The following MET variants were observed in gnomAD, a reference collection of about 807,000 sequenced individuals.
MET encodes the protein hepatocyte growth factor receptor.
Under a neutral mutation model 133.1 loss-of-function variants are expected in MET, and 48 were observed. The ratio of observed to expected loss-of-function variants is 0.36; its 90% confidence interval spans 0.29 to 0.46. The LOEUF (loss-of-function observed/expected upper bound fraction) is 0.46. MET is among the 20% of genes least tolerant of loss of function. MET has a pLI of 1.00. For missense variants in MET, 1,442 were observed against 1,695.9 expected, an observed-to-expected ratio of 0.85 and a Z score of 2.63; for synonymous variants, 628 against 616.5, an observed-to-expected ratio of 1.02 and a Z score of -0.28.
chr7:116,754,674 A>C (rs1289453370), intron 5 of MET, among the ~76,000 whole-genome samples: 1 of 151,170 alleles, frequency 6.6e-6, no homozygotes, highest in Admixed American at 6.6e-5. Flanking sequence ...AAAAATAGCC[A>C]AGCATGGTGG....
At chr7:116,674,096 T>G (rs2116427292) in intron 1 of MET, among the ~76,000 whole-genome samples, 1 of 152,354 alleles carries the variant, frequency 6.6e-6, no homozygotes, top group African/African-American at 2.4e-5. Flanking sequence ...ATTTTGCTTT[T>G]AACATGATGG....
chr7:116,796,201 G>A lies in MET; in HGVS notation c.*77G>A, dbSNP rs1795671916. The A allele has an allele frequency of 3.7e-6, 5 of 1,358,882 alleles. No individual in the cohort carries two copies. Among genetic ancestry groups the A allele is most frequent in the African/African-American group, 1.4e-5 (1 of 70,438 alleles). The allele number at this position is 1,358,882 out of a possible 1,614,324, so 84.2% of individuals were successfully genotyped here. ...ACTGCCTGACCTTTAAAAGGCCATC[G>A]ATATTCTTTGCTCTTGCCAAAATTG... is the stretch of plus-strand genomic sequence containing the variant. On this transcript the variant is annotated 3_prime_UTR_variant, in exon 21 of 21. Coordinates refer to ENST00000397752, the MANE Select transcript of MET (RefSeq NM_000245.4).
chr7:116,757,647 A>G lies in MET; in HGVS notation c.1975A>G (p.Ile659Val). ...YSTFSYVDPV[I>V]TSISPKYGPM... ...TTTATCTCCCCTCCAGGATCCTGTA[A>G]TAACAAGTATTTCGCCGAAATACGG... Residue 659 changes from isoleucine (I) to valine (V), a missense_variant, in exon 8 of 21, where the codon ATA (isoleucine) becomes GTA (valine). By Grantham distance (29) the Ile-to-Val change is conservative. Transcript: ENST00000397752. 1 of 1,614,016 alleles carries G rather than the reference A, an allele frequency of 6.2e-7. No individual in the cohort carries two copies. The highest frequency in any genetic ancestry group is 8.5e-7 in the Non-Finnish European group (1 of 1,179,972).
At chr7:116,769,137 A>T (rs574181371) in intron 11 of MET, among the ~76,000 whole-genome samples, 1 of 152,372 alleles carries the variant, frequency 6.6e-6, no homozygotes, top group East Asian at 1.9e-4. Context: ...AACATAATAC[A>T]GTGTTAATAC....
At position 116,775,004 on chromosome 7, in the gene MET, T is replaced by C. The variant is rs1319458719; in HGVS notation, c.3152T>C (p.Val1051Ala). 6.2e-7 allele frequency: 1 copy of C among 1,614,092 alleles called. No homozygotes were observed. Among genetic ancestry groups the C allele is most frequent in the East Asian group, 2.2e-5 (1 of 44,894 alleles). ...DISSPLLQNTVHIDLSALNPE... is the reference protein window; with the variant it reads ...DISSPLLQNTAHIDLSALNPE... ...TCCAGTCCATTACTGCAAAATACTGTCCACATTGACCTCAGTGCTCTAAAT... is the reference window on the plus strand; with the variant it reads ...TCCAGTCCATTACTGCAAAATACTGCCCACATTGACCTCAGTGCTCTAAAT... The change falls in exon 15 of 21, where the codon GTC (valine) becomes GCC (alanine). Residue 1051 changes from valine (V) to alanine (A), a missense_variant. Transcript: ENST00000397752.
At chr7:116,753,108 C>G (rs1435107106) in intron 5 of MET, among the ~76,000 whole-genome samples, 1 of 152,162 alleles carries the variant, frequency 6.6e-6, no homozygotes, top group Non-Finnish European at 1.5e-5. Context: ...AAGCTTTAAG[C>G]TAAAACTTTA....
chr7:116,785,834 A>T (rs955540411), intron 19 of MET, among the ~76,000 whole-genome samples: 3 of 152,268 alleles, frequency 2.0e-5, no homozygotes, highest in Non-Finnish European at 4.4e-5. Flanking sequence ...ATATATGCTC[A>T]TGCAATAACA....
intron 2 of MET, among the ~76,000 whole-genome samples, chr7:116,725,796 ATATT>A (rs1562899728): frequency 6.6e-6 from 1 of 150,656 alleles, no homozygotes; most frequent in African/African-American, 2.4e-5. Context: ...ATACTAGTAT[ATATT>A]TATAGATACA....
chr7:116,778,626 T>C, intron 16 of MET, 150 bp from the exon 17 acceptor site: 1 of 842,182 alleles, frequency 1.2e-6, no homozygotes, highest in South Asian at 1.5e-5. Context: ...TTCACTCAGA[T>C]GTGATGTAAA....
Position 116,758,229 on chromosome 7 carries a change from A to G in MET, c.2103-230A>G, listed in dbSNP as rs142414409. ...TTTAATCAAGTACCAAAAGTACTTT[A>G]AAGGTTTTTTTTTCAAATCTCAAAT... is the stretch of plus-strand genomic sequence containing the variant. On this transcript the variant is annotated intron_variant, in intron 8 of 20. Coordinates refer to ENST00000397752, the MANE Select transcript of MET (RefSeq NM_000245.4). 1.1e-4 allele frequency among the ~76,000 whole-genome samples: 16 copies of G among 152,292 alleles called. No homozygotes were observed. In the East Asian group the frequency reaches 3.1e-3, roughly 29 times the overall value.
At chr7:116,736,256 T>C (rs1261258771) in intron 3 of MET, among the ~76,000 whole-genome samples, 1 of 151,936 alleles carries the variant, frequency 6.6e-6, no homozygotes, top group African/African-American at 2.4e-5. Flanking sequence ...AGATTAGTGG[T>C]AGTCAAGGGC....
At chr7:116,697,080 C>T (rs1330198104) in intron 1 of MET, among the ~76,000 whole-genome samples, 1 of 152,148 alleles carries the variant, frequency 6.6e-6, no homozygotes, top group Non-Finnish European at 1.5e-5. Context: ...AGCAGCACAC[C>T]CGACTCAACG....
intron 5 of MET, among the ~76,000 whole-genome samples, chr7:116,741,811 C>G (rs998440362): frequency 1.3e-5 from 2 of 152,188 alleles, no homozygotes; most frequent in African/African-American, 2.4e-5. Flanking sequence ...GCAGGCTGCC[C>G]TCTAGTCCCT....
chr7:116,681,980 T>G (rs1796377488), intron 1 of MET, among the ~76,000 whole-genome samples: 1 of 152,230 alleles, frequency 6.6e-6, no homozygotes, highest in African/African-American at 2.4e-5. Context: ...ATATGCATTT[T>G]GGACTTTTCA....
intron 5 of MET, among the ~76,000 whole-genome samples, chr7:116,745,218 AC>A (rs1343092185): frequency 6.6e-6 from 1 of 152,220 alleles, no homozygotes; most frequent in African/African-American, 2.4e-5. Context: ...AATCCAACTT[AC>A]AAGGGATGTG....
rs2117111344 is a variant in MET at position 116,795,950 on chromosome 7, G to C, written c.3999G>C (p.Leu1333=). The change falls in exon 21 of 21, where the codon CTG becomes CTC. Residue 1333 remains leucine (L), a synonymous_variant. Coordinates refer to ENST00000397752, the MANE Select transcript of MET (RefSeq NM_000245.4). ...AAATGCGCCCATCCTTTTCTGAACTGGTGTCCCGGATATCAGCGATCTTCT... is the reference window on the plus strand; with the variant it reads ...AAATGCGCCCATCCTTTTCTGAACTCGTGTCCCGGATATCAGCGATCTTCT... ...KAEMRPSFSE[L]VSRISAIFST... is the part of the protein sequence containing the mutation. 6.2e-7 allele frequency: 1 copy of C among 1,614,088 alleles called. No individual in the cohort carries two copies. The highest frequency in any genetic ancestry group is 8.5e-7 in the Non-Finnish European group (1 of 1,180,004).
In MET at chr7:116,796,658, C is replaced by T. The variant is rs574748666; in HGVS notation, c.*534C>T. The T allele has an allele frequency of 1.0e-4, 26 of 260,276 alleles. No individual in the cohort carries two copies. Among genetic ancestry groups the T allele is most frequent in the Non-Finnish European group, 1.6e-4 (22 of 133,448 alleles). The allele number at this position is 260,276 out of a possible 1,614,324, so 16.1% of individuals were successfully genotyped here. ...TTAAATGTTTGTTTGTTTTTTGAGA[C>T]AGGATCTCACTCTGTTGCCAGGGCT... is the stretch of plus-strand genomic sequence containing the variant. On this transcript the variant is annotated 3_prime_UTR_variant, in exon 21 of 21. Transcript: ENST00000397752.
At chr7:116,677,209 G>A (rs923409372) in intron 1 of MET, among the ~76,000 whole-genome samples, 1 of 152,020 alleles carries the variant, frequency 6.6e-6, no homozygotes, top group South Asian at 2.1e-4. Context: ...ACAGCAAGAG[G>A]CAGTTGCTGA....
At chr7:116,739,744 T>G (rs921087397) in intron 3 of MET, among the ~76,000 whole-genome samples, 6 of 152,168 alleles carry the variant, frequency 3.9e-5, no homozygotes, top group Non-Finnish European at 7.3e-5. Context: ...ATAGGCAAAG[T>G]CTGTCTTGGG....
Sources: gnomAD v4.1 joint callset for allele counts (sites outside exome capture counted in the v4.1 genomes callset) on GRCh38, gnomAD v4.1.1 for gene constraint, MANE v1.5 for transcripts, NCBI Gene and HGNC (gene_info 2026-07-23, HGNC 2026-07-21) for gene names.